Variants in ROBO1 observed in about 807,000 individuals in gnomAD.
ROBO1 encodes the protein roundabout homolog 1.
In ROBO1, 149 loss-of-function variants were observed where a neutral mutation model predicts 195.9. That is an observed-to-expected ratio of 0.76 (90% CI 0.67 to 0.87). The LOEUF is 0.87. Among genes scored for constraint, ROBO1 ranks in the 40% least tolerant of loss-of-function variants. ROBO1 has a pLI of 0.00. For synonymous variants in ROBO1, 816 were observed against 733.2 expected (o/e 1.11, Z -1.82); for missense variants, 1,933 against 2,068.3 (o/e 0.93, Z 1.27).
Position 79,524,870 on chromosome 3 carries a change from G to A in ROBO1, c.88+64954C>T, listed in dbSNP as rs566976416. 2.0e-5 allele frequency among the ~76,000 whole-genome samples: 3 copies of A among 151,798 alleles called. No homozygotes were observed. The South Asian group carries it at 6.3e-4, about 32-fold the overall frequency. On this transcript the variant is annotated intron_variant, in intron 2 of 30. Transcript: ENST00000464233. ...GTTAGAAAGCTTTATTATTTCTCTG[G>A]TCCTAGAAATAAAATAGTTGAAAAT... is the stretch of plus-strand genomic sequence containing the variant.
At chr3:78,786,995 C>A (rs1007810508) in intron 4 of ROBO1, among the ~76,000 whole-genome samples, 7 of 152,158 alleles carry the variant, frequency 4.6e-5, no homozygotes, top group African/African-American at 1.7e-4. Flanking sequence ...GGCTGGACCT[C>A]CTAAACTAGT....
intron 4 of ROBO1, among the ~76,000 whole-genome samples, chr3:78,894,593 C>T (rs1274308923): frequency 6.6e-6 from 1 of 152,116 alleles, no homozygotes; most frequent in East Asian, 1.9e-4. Flanking sequence ...ATCTCATATA[C>T]ATGTTTTGTC....
chr3:79,170,797 G>A (rs990423125), intron 2 of ROBO1, among the ~76,000 whole-genome samples: 1 of 152,060 alleles, frequency 6.6e-6, no homozygotes, highest in Non-Finnish European at 1.5e-5. Context: ...TCAGTTAGGA[G>A]GTGAACAGAG....
chr3:79,262,709 A>G (rs770225236), intron 2 of ROBO1, among the ~76,000 whole-genome samples: 97 of 152,214 alleles, frequency 6.4e-4, no homozygotes, highest in Non-Finnish European at 1.1e-3. Flanking sequence ...ATATATTTTC[A>G]TTTTACTATA....
intron 3 of ROBO1, among the ~76,000 whole-genome samples, chr3:79,045,932 A>C (rs1215661828): frequency 6.6e-6 from 1 of 152,138 alleles, no homozygotes; most frequent in Admixed American, 6.5e-5. Flanking sequence ...TATTTTCACT[A>C]AACTCTAACT....
intron 4 of ROBO1, among the ~76,000 whole-genome samples, chr3:78,894,914 G>A (rs951568344): frequency 6.6e-6 from 1 of 152,212 alleles, no homozygotes; most frequent in Admixed American, 6.5e-5. Context: ...GGAGCACACG[G>A]AACAAAGCTA....
At chr3:78,901,233 T>A (rs1301316658) in intron 4 of ROBO1, among the ~76,000 whole-genome samples, 1 of 152,192 alleles carries the variant, frequency 6.6e-6, no homozygotes, top group Non-Finnish European at 1.5e-5. Context: ...AATTTTATTA[T>A]GCCATGACAA....
intron 10 of ROBO1, among the ~76,000 whole-genome samples, chr3:78,684,231 G>T (rs780398091): frequency 4.6e-5 from 7 of 151,932 alleles, no homozygotes; most frequent in Non-Finnish European, 1.0e-4. Flanking sequence ...CAACAAAAAA[G>T]AACCTAAGTG....
At chr3:78,718,606 A>G (rs2081960281) in intron 5 of ROBO1, among the ~76,000 whole-genome samples, 1 of 152,054 alleles carries the variant, frequency 6.6e-6, no homozygotes, top group African/African-American at 2.4e-5. Context: ...GACTGAAACT[A>G]AACATGAATT....
chr3:79,209,047 TTTG>T (rs1473125495), intron 2 of ROBO1, among the ~76,000 whole-genome samples: 1 of 152,142 alleles, frequency 6.6e-6, no homozygotes, highest in Non-Finnish European at 1.5e-5. Flanking sequence ...AACAGGTGGT[TTTG>T]TTTTGGTTAC....
chr3:79,323,834 G>A (rs570015971), intron 2 of ROBO1, among the ~76,000 whole-genome samples: 17 of 152,238 alleles, frequency 1.1e-4, no homozygotes, highest in African/African-American at 4.1e-4. Flanking sequence ...GGCAGTTCAA[G>A]TTGCAAATTA....
chr3:79,266,833 A>C (rs934558038), intron 2 of ROBO1, among the ~76,000 whole-genome samples: 22 of 151,636 alleles, frequency 1.5e-4, no homozygotes, highest in Admixed American at 6.6e-5. Context: ...ATTTGGGTTA[A>C]CATTTCAACT....
Position 78,714,575 on chromosome 3 carries a change from A to C in ROBO1, c.918-51T>G, listed in dbSNP as rs1325997314. ...AGTTAAGTGACTTTCTACTTGAAAGATCTCATTATTATACACACAATGCTT... is the reference window on the plus strand; with the variant it reads ...AGTTAAGTGACTTTCTACTTGAAAGCTCTCATTATTATACACACAATGCTT... On this transcript the variant is annotated intron_variant, in intron 7 of 30. Transcript: ENST00000464233. 29 of 1,551,566 alleles carry C rather than the reference A, an allele frequency of 1.9e-5. No individual in the cohort carries two copies. In the Admixed American group the frequency reaches 5.2e-4, roughly 28 times the overall value.
intron 2 of ROBO1, among the ~76,000 whole-genome samples, chr3:79,226,373 G>C (rs1259272600): frequency 6.6e-6 from 1 of 152,062 alleles, no homozygotes; most frequent in African/African-American, 2.4e-5. Context: ...ATTTGACAGA[G>C]AAATCCTCTG....
rs543974798 is a variant in ROBO1 at position 79,355,060 on chromosome 3, G to A, written c.89-229521C>T. ...GGGCGCCTGTAATCCCAGGTACTCC[G>A]GAGGCTGAGGCAGGAGAATTGCTTG... On this transcript the variant is annotated intron_variant, in intron 2 of 30. Transcript: ENST00000464233. 1.1e-3 allele frequency among the ~76,000 whole-genome samples: 164 copies of A among 152,116 alleles called. 1 individual carries two copies. Among genetic ancestry groups the A allele is most frequent in the Non-Finnish European group, 1.1e-3 (76 of 67,980 alleles).
intron 2 of ROBO1, among the ~76,000 whole-genome samples, chr3:79,333,081 T>C (rs1004460333): frequency 2.0e-5 from 3 of 151,820 alleles, no homozygotes; most frequent in African/African-American, 7.3e-5. Context: ...CATGCGCCTG[T>C]AGTCCCAGCT....
intron 2 of ROBO1, among the ~76,000 whole-genome samples, chr3:79,339,618 GATTA>G (rs1404257350): frequency 6.6e-6 from 1 of 151,982 alleles, no homozygotes; most frequent in Non-Finnish European, 1.5e-5. Context: ...TCTCTTTCCT[GATTA>G]ATTACTTCCT....
chr3:79,202,770 A>G (rs2081792515), intron 2 of ROBO1, among the ~76,000 whole-genome samples: 1 of 152,138 alleles, frequency 6.6e-6, no homozygotes, highest in Non-Finnish European at 1.5e-5. Flanking sequence ...AGAATATTTA[A>G]GAAACAGAGT....
At chr3:79,091,296 A>G (rs1406151923) in intron 3 of ROBO1, among the ~76,000 whole-genome samples, 1 of 152,176 alleles carries the variant, frequency 6.6e-6, no homozygotes, top group Admixed American at 6.6e-5. Context: ...CCATTGCACT[A>G]TTTGTTTGAA....
Sources: gnomAD v4.1 joint callset for allele counts (sites outside exome capture counted in the v4.1 genomes callset) on GRCh38, gnomAD v4.1.1 for gene constraint, MANE v1.5 for transcripts, NCBI Gene and HGNC (gene_info 2026-07-23, HGNC 2026-07-21) for gene names.